The following AATF variants were observed in gnomAD, a reference collection of about 807,000 sequenced individuals.
The protein encoded by AATF is apoptosis antagonizing transcription factor.
AATF carries 48 observed loss-of-function variants against 63.7 expected under a neutral mutation model. The ratio of observed to expected loss-of-function variants is 0.75; its 90% CI spans 0.60 to 0.96. The LOEUF (loss-of-function observed/expected upper bound fraction) is 0.96, where lower values mean the gene tolerates loss of function less well. AATF is among the 40% of genes least tolerant of loss of function. AATF has a pLI of 0.00. For missense variants in AATF, 639 were observed against 685.7 expected (o/e 0.93, Z 0.76); for synonymous variants, 258 against 247.7 (o/e 1.04, Z -0.39).
chr17:36,989,225 A>G (rs1405875076), intron 6 of AATF, 22 bp from the exon 7 acceptor site: 2 of 1,599,648 alleles, frequency 1.3e-6, no homozygotes, highest in East Asian at 2.2e-5. Context: ...GCATTATCTG[A>G]CACTGCTTAA....
At chr17:36,951,644 A>G (rs2070856132) in intron 2 of AATF, among the ~76,000 whole-genome samples, 1 of 152,236 alleles carries the variant, frequency 6.6e-6, no homozygotes, top group Non-Finnish European at 1.5e-5. Flanking sequence ...AGTGGAAGAA[A>G]CATGATTCAA....
intron 8 of AATF, among the ~76,000 whole-genome samples, chr17:37,011,392 A>G (rs534832475): frequency 6.6e-6 from 1 of 152,266 alleles, no homozygotes; most frequent in East Asian, 1.9e-4. Context: ...AAAAAAAAGT[A>G]TGGGGTGAAT....
At chr17:36,990,698 C>A in intron 7 of AATF, 76 bp from the exon 8 acceptor site, 1 of 896,622 alleles carries the variant, frequency 1.1e-6, no homozygotes, top group Non-Finnish European at 1.7e-6. Context: ...GACTGTTCTA[C>A]ATATTATTTA....
chr17:37,050,542 T>C (rs2071739232), intron 11 of AATF, among the ~76,000 whole-genome samples: 1 of 152,158 alleles, frequency 6.6e-6, no homozygotes, highest in South Asian at 2.1e-4. Context: ...ACATCTGTCA[T>C]TGGTGACCGC....
intron 11 of AATF, among the ~76,000 whole-genome samples, chr17:37,041,087 T>A (rs1266168877): frequency 6.6e-6 from 1 of 152,230 alleles, no homozygotes; most frequent in Non-Finnish European, 1.5e-5. Flanking sequence ...GTCATCCTGC[T>A]ATTGAGGGTA....
intron 11 of AATF, chr17:37,043,205 C>G (rs2071657943): frequency 6.6e-6 from 1 of 152,312 alleles, no homozygotes; most frequent in Admixed American, 6.5e-5. Context: ...GCCTGCCAGT[C>G]AAGGCCATCG....
chr17:37,052,349 G>A (rs989557854), intron 11 of AATF: 4 of 152,344 alleles, frequency 2.6e-5, no homozygotes, highest in Non-Finnish European at 4.4e-5. Context: ...CAGCCGGGGG[G>A]AAATGTTTAT....
At chr17:37,023,900 G>A (rs946832442) in intron 10 of AATF, among the ~76,000 whole-genome samples, 2 of 151,620 alleles carry the variant, frequency 1.3e-5, no homozygotes, top group African/African-American at 4.8e-5. Context: ...TATATAAAGT[G>A]GCATAGTATT....
At chr17:36,989,645 C>G (rs1219497140) in intron 7 of AATF, among the ~76,000 whole-genome samples, 1 of 152,060 alleles carries the variant, frequency 6.6e-6, no homozygotes. Context: ...GAGTTTGATG[C>G]AGGAGTCTGG....
chr17:37,051,661 A>G (rs1487003833), intron 11 of AATF, among the ~76,000 whole-genome samples: 1 of 151,504 alleles, frequency 6.6e-6, no homozygotes, highest in Non-Finnish European at 1.5e-5. Context: ...CACATAATAA[A>G]TAAGCCGAAT....
rs1032831537 is a variant in AATF, at chr17:37,025,412, G to A, written c.1547+4398G>A. 3.9e-5 allele frequency among the ~76,000 whole-genome samples: 6 copies of A among 152,266 alleles called. No homozygotes were observed. The South Asian group carries it at 1.0e-3, about 26-fold the overall frequency. ...GTGTGACAAGAATACAGAGTGACAA[G>A]AGTAGAATCCTGAAGAATGTCAACA... is the stretch of plus-strand genomic sequence containing the variant. On this transcript the variant is annotated intron_variant, in intron 10 of 11. Coordinates refer to ENST00000619387, the MANE Select transcript of AATF (RefSeq NM_012138.4).
chr17:36,997,992 A>G (rs2071267218), intron 8 of AATF, among the ~76,000 whole-genome samples: 1 of 152,214 alleles, frequency 6.6e-6, no homozygotes, highest in African/African-American at 2.4e-5. Context: ...CAAACATCAT[A>G]TGTTCCCATG....
chr17:36,999,983 G>A (rs1443286392), intron 8 of AATF: 1 of 152,254 alleles, frequency 6.6e-6, no homozygotes. Flanking sequence ...GGACCTTGTA[G>A]GCCACTGTAG....
At chr17:37,001,360 AAGAG>A (rs1314165526) in intron 8 of AATF, among the ~76,000 whole-genome samples, 4 of 134,404 alleles carry the variant, frequency 3.0e-5, no homozygotes, top group Admixed American at 7.9e-5. Context: ...AGGAAGGAGA[AAGAG>A]AGAGAGGGGA....
chr17:37,047,903 G>T (rs944018826), intron 11 of AATF, among the ~76,000 whole-genome samples: 2 of 152,216 alleles, frequency 1.3e-5, no homozygotes, highest in African/African-American at 4.8e-5. Context: ...GCTAGTGTCG[G>T]ATTGGACATG....
chr17:37,055,762 C>T lies in AATF; in HGVS notation c.1620-839C>T, dbSNP rs543980569. The T allele has an allele frequency of 5.9e-5, 9 of 152,434 alleles. No individual in the cohort carries two copies. The East Asian group carries it at 1.2e-3, about 20-fold the overall frequency. The allele number at this position is 152,434 out of a possible 1,614,324, so 9.4% of individuals were successfully genotyped here. A position where few individuals can be genotyped will look rare whatever the true frequency, so the allele number is the denominator to read the frequency against. On this transcript the variant is annotated intron_variant, in intron 11 of 11. Transcript: ENST00000619387. ...ACCTCCCTGATGACAGGGACGTCCT[C>T]ACACGGGTCTTGCCTGCTTGGAACC...
In AATF at chr17:36,988,684, C is replaced by T. The variant is rs199883001; in HGVS notation, c.1113C>T (p.His371=). The T allele has an allele frequency of 9.9e-6, 16 of 1,613,906 alleles. No homozygotes were observed. The highest frequency in any genetic ancestry group is 4.5e-5 in the East Asian group (2 of 44,880). The part of the protein sequence containing the change: ...VYRNRTLQKW[H]DKTKLASGKL... ...GGAACCGCACACTTCAGAAATGGCA[C>T]GATAAGACCAAACTGGCTTCTGGAA... The change falls in exon 6 of 12, where the codon CAC becomes CAT. Residue 371 remains histidine (H), a synonymous_variant. Transcript: ENST00000619387.
At chr17:36,953,318 T>C in intron 3 of AATF, 22 bp downstream of exon 3, 1 of 1,591,152 alleles carries the variant, frequency 6.3e-7, no homozygotes, top group East Asian at 2.2e-5. Context: ...GTTTTGCTGA[T>C]TGCCTGTTTT....
chr17:36,999,526 A>G (rs936286501), intron 8 of AATF, among the ~76,000 whole-genome samples: 2 of 152,240 alleles, frequency 1.3e-5, no homozygotes, highest in Admixed American at 1.3e-4. Flanking sequence ...GAACATTTCC[A>G]TTACCACAGA....
Sources: gnomAD v4.1 joint callset for allele counts (sites outside exome capture counted in the v4.1 genomes callset) on GRCh38, gnomAD v4.1.1 for gene constraint, MANE v1.5 for transcripts, NCBI Gene and HGNC (gene_info 2026-07-23, HGNC 2026-07-21) for gene names.